The following PREPL variants were observed in gnomAD, a reference collection of about 807,000 sequenced individuals.
PREPL encodes the protein prolyl endopeptidase like.
A neutral mutation model predicts 70.6 loss-of-function variants in PREPL; 77 were observed. That is an observed-to-expected ratio of 1.09 (90% CI 0.91 to 1.32). The LOEUF (loss-of-function observed/expected upper bound fraction) is 1.32. Among genes scored for constraint, PREPL ranks in the 40% most tolerant of loss-of-function variants. PREPL has a pLI of 0.00. For missense variants in PREPL, 1,002 were observed against 778.2 expected (o/e 1.29, Z -3.42); for synonymous variants, 315 against 264.8 (o/e 1.19, Z -1.84).
At chr2:44,332,397 G>A in intron 8 of PREPL, 62 bp downstream of exon 8, 1 of 1,401,390 alleles carries the variant, frequency 7.1e-7, no homozygotes, top group South Asian at 1.2e-5. Context: ...CAACTGCATG[G>A]CATCTGGCAA....
At chr2:44,321,664 C>A (rs934608127) in intron 13 of PREPL, 163 bp downstream of exon 13, 101 of 1,528,092 alleles carry the variant, frequency 6.6e-5, no homozygotes, top group Non-Finnish European at 8.7e-5. Flanking sequence ...AGAGACATTT[C>A]TCTTGATTGA....
chr2:44,342,335 G>T (rs2304769), intron 5 of PREPL, 82 bp downstream of exon 5: 1 of 1,291,300 alleles, frequency 7.7e-7, no homozygotes, highest in Admixed American at 2.4e-5. Flanking sequence ...CAAAATAAAC[G>T]TTTTAAGTCA....
chr2:44,342,424 C>A lies in PREPL; in HGVS notation c.478G>T (p.Asp160Tyr), dbSNP rs950345833. 5.6e-6 allele frequency: 9 copies of A among 1,610,288 alleles called. No individual in the cohort carries two copies. Among genetic ancestry groups the A allele is most frequent in the Non-Finnish European group, 7.6e-6 (9 of 1,178,020 alleles). The change falls in exon 5 of 14, where the codon GAC becomes TAC. Residue 160 changes from aspartate to tyrosine, a missense_variant. Coordinates refer to ENST00000409411, the MANE Select transcript of PREPL (RefSeq NM_001171613.2). ...KRNERFYTEKDPSYFVFLYLT... is the reference protein window; with the variant it reads ...KRNERFYTEKYPSYFVFLYLT... ...ATTATATTATTCTAGTACCTTGGGT[C>A]TTTTTCTGTGTAAAAGCGTTCATTA...
chr2:44,340,643 A>G (rs1323294451), intron 5 of PREPL, among the ~76,000 whole-genome samples: 6 of 152,114 alleles, frequency 3.9e-5, no homozygotes, highest in Admixed American at 3.9e-4. Context: ...AATTAAGAAT[A>G]TTGGCTGGGC....
At chr2:44,337,771 T>G (rs1480019287) in intron 7 of PREPL, among the ~76,000 whole-genome samples, 1 of 152,198 alleles carries the variant, frequency 6.6e-6, no homozygotes, top group East Asian at 1.9e-4. Flanking sequence ...ACAAGCAGTA[T>G]CAACTAGTCA....
intron 9 of PREPL, among the ~76,000 whole-genome samples, chr2:44,327,897 G>C (rs562114794): frequency 6.6e-5 from 10 of 151,714 alleles, no homozygotes; most frequent in African/African-American, 9.7e-5. Context: ...AAAATAAAAG[G>C]ACATGATTTT....
chr2:44,342,614 A>C, intron 4 of PREPL, 62 bp from the exon 5 acceptor site: 1 of 1,309,966 alleles, frequency 7.6e-7, no homozygotes, highest in Admixed American at 2.3e-5. Context: ...AAAAAAAAAA[A>C]AGCACAGCAC....
intron 13 of PREPL, 65 bp downstream of exon 13, chr2:44,321,762 A>T (rs773227115): frequency 6.2e-7 from 1 of 1,613,360 alleles, no homozygotes; most frequent in Non-Finnish European, 8.5e-7. Flanking sequence ...GCAACCACTG[A>T]AAATGTGAAA....
chr2:44,354,304 C>T (rs560853247), intron 1 of PREPL, among the ~76,000 whole-genome samples: 5 of 152,254 alleles, frequency 3.3e-5, no homozygotes, highest in Non-Finnish European at 5.9e-5. Context: ...TCTATAAACA[C>T]GTTGCTTATC....
chr2:44,356,749 T>C (rs1053556982), intron 1 of PREPL, among the ~76,000 whole-genome samples: 3 of 152,146 alleles, frequency 2.0e-5, no homozygotes, highest in African/African-American at 7.2e-5. Context: ...ACAAGAGGTA[T>C]AGAATCATGA....
At chr2:44,323,128 G>A (rs533147139) in intron 11 of PREPL, 134 bp downstream of exon 11, 1 of 897,254 alleles carries the variant, frequency 1.1e-6, no homozygotes, top group Admixed American at 3.0e-5. Flanking sequence ...GAGCAGAGAT[G>A]GTGCTGAAGA....
intron 5 of PREPL, 128 bp from the exon 6 acceptor site, chr2:44,339,491 T>A: frequency 7.4e-7 from 1 of 1,343,614 alleles, no homozygotes; most frequent in Non-Finnish European, 9.8e-7. Flanking sequence ...TTAAAATAAT[T>A]CCTTAGTGAA....
intron 6 of PREPL, 79 bp from the exon 7 acceptor site, chr2:44,338,615 C>G (rs956189074): frequency 9.2e-7 from 1 of 1,091,608 alleles, no homozygotes; most frequent in African/African-American, 1.6e-5. Context: ...TCACTGAGAA[C>G]TAGACCATAC....
intron 1 of PREPL, among the ~76,000 whole-genome samples, chr2:44,348,279 A>C (rs1300461135): frequency 3.9e-5 from 6 of 152,186 alleles, no homozygotes; most frequent in African/African-American, 1.4e-4. Context: ...GCATTTCTAC[A>C]AAATCTACAG....
rs570285508 is a variant in PREPL, at chr2:44,318,152, G to A, written c.*3204C>T. On this transcript the variant is annotated 3_prime_UTR_variant, in exon 14 of 14. Coordinates refer to ENST00000409411, the MANE Select transcript of PREPL (RefSeq NM_001171613.2). ...GTCACCCATGCTCGAGTGCAGTGGC[G>A]TGATCTCGGCACACTGCAGCCTCTG... The A allele has an allele frequency of 5.9e-5, 26 of 438,144 alleles. No homozygotes were observed. Among genetic ancestry groups the A allele is most frequent in the Admixed American group, 3.2e-4 (13 of 40,020 alleles). 27.1% of individuals were successfully genotyped at this position (438,144 alleles called of 1,614,324 possible). A position where few individuals can be genotyped will look rare whatever the true frequency, so the allele number is the denominator to read the frequency against.
intron 1 of PREPL, among the ~76,000 whole-genome samples, chr2:44,354,744 T>G (rs1374642191): frequency 6.6e-6 from 1 of 152,154 alleles, no homozygotes; most frequent in Non-Finnish European, 1.5e-5. Context: ...CCGGCTAAAA[T>G]TTTTGGATTT....
intron 5 of PREPL, 36 bp from the exon 6 acceptor site, chr2:44,339,399 A>ATT: frequency 6.2e-7 from 1 of 1,605,352 alleles, no homozygotes; most frequent in East Asian, 2.2e-5. Flanking sequence ...ATCACAGTTT[A>ATT]TTTCAGATGC....
chr2:44,347,579 A>G (rs1050875504), intron 1 of PREPL, among the ~76,000 whole-genome samples: 1 of 152,224 alleles, frequency 6.6e-6, no homozygotes, highest in African/African-American at 2.4e-5. Flanking sequence ...AATCATTACA[A>G]TTTGGATAAA....
intron 2 of PREPL, among the ~76,000 whole-genome samples, chr2:44,345,794 A>G (rs949790523): frequency 9.9e-5 from 15 of 152,238 alleles, no homozygotes; most frequent in African/African-American, 3.6e-4. Flanking sequence ...TTTTCAAATA[A>G]TAACAAAGTA....
Sources: gnomAD v4.1 joint callset for allele counts (sites outside exome capture counted in the v4.1 genomes callset) on GRCh38, gnomAD v4.1.1 for gene constraint, MANE v1.5 for transcripts, NCBI Gene and HGNC (gene_info 2026-07-23, HGNC 2026-07-21) for gene names.